Variants in LDLRAD3 observed in about 807,000 individuals in gnomAD.
LDLRAD3 encodes the protein low-density lipoprotein receptor class A domain-containing protein 3.
In LDLRAD3, 20 loss-of-function variants were observed where a neutral mutation model predicts 29.4. That is an observed-to-expected ratio of 0.68 (90% confidence interval 0.48 to 0.99). The LOEUF is 0.99. Among genes scored for constraint, LDLRAD3 ranks in the 50% least tolerant of loss-of-function variants. The pLI is 0.00. For synonymous variants in LDLRAD3, 157 were observed against 192.7 expected (o/e 0.81, Z 1.53); for missense variants, 420 against 454.3 (o/e 0.92, Z 0.69).
chr11:36,034,390 C>G (rs188410605), intron 1 of LDLRAD3, among the ~76,000 whole-genome samples: 79 of 151,920 alleles, frequency 5.2e-4, no homozygotes, highest in Non-Finnish European at 1.0e-3. Context: ...AATGGAGAGT[C>G]GGGGACTGGC....
At position 36,229,505 on chromosome 11, in the gene LDLRAD3, G is replaced by C. The variant is rs1855547380; in HGVS notation, c.*108G>C. ...TTAAGCACCTGTAAGGGTGTCTCAA[G>C]TTACAGTTTGGGATATTAACTATCT... On this transcript the variant is annotated 3_prime_UTR_variant, in exon 6 of 6. Coordinates refer to ENST00000315571, the MANE Select transcript of LDLRAD3 (RefSeq NM_174902.4). 1.3e-6 allele frequency: 1 copy of C among 753,872 alleles called. No homozygotes were observed. The highest frequency in any genetic ancestry group is 1.7e-5 in the South Asian group (1 of 58,772). 46.7% of individuals were successfully genotyped at this position (753,872 alleles called of 1,614,324 possible). A position where few individuals can be genotyped will look rare whatever the true frequency, so the allele number is the denominator to read the frequency against.
intron 4 of LDLRAD3, among the ~76,000 whole-genome samples, chr11:36,146,385 C>A (rs561065610): frequency 6.6e-6 from 1 of 152,320 alleles, no homozygotes; most frequent in Admixed American, 6.5e-5. Context: ...GAGTAATATA[C>A]ACCCATTGTC....
chr11:36,214,438 G>A (rs1437527008), intron 4 of LDLRAD3, among the ~76,000 whole-genome samples: 1 of 152,166 alleles, frequency 6.6e-6, no homozygotes, highest in African/African-American at 2.4e-5. Context: ...CTGGGAAAGG[G>A]TTACATTGAT....
At chr11:36,123,084 G>A (rs1853783530) in intron 4 of LDLRAD3, among the ~76,000 whole-genome samples, 3 of 152,052 alleles carry the variant, frequency 2.0e-5, no homozygotes, top group Non-Finnish European at 2.9e-5. Flanking sequence ...CTGCTTGGGA[G>A]GTTGAGGTGG....
chr11:36,226,766 A>G (rs1855504723), intron 4 of LDLRAD3, among the ~76,000 whole-genome samples: 1 of 152,184 alleles, frequency 6.6e-6, no homozygotes, highest in African/African-American at 2.4e-5. Flanking sequence ...GAAATTTTGT[A>G]TATACAGAAT....
chr11:35,990,425 C>CTT (rs377449415), intron 1 of LDLRAD3, among the ~76,000 whole-genome samples: 2 of 149,092 alleles, frequency 1.3e-5, no homozygotes, highest in South Asian at 4.3e-4. Flanking sequence ...CTGCCTCCAT[C>CTT]TTTTTTTTTT....
chr11:36,098,391 G>C lies in LDLRAD3; in HGVS notation c.384G>C (p.Lys128Asn), dbSNP rs779093434. 1 of 1,614,254 alleles carries C rather than the reference G, an allele frequency of 6.2e-7. No individual in the cohort carries two copies. The highest frequency in any genetic ancestry group is 8.5e-7 in the Non-Finnish European group (1 of 1,180,044). ...YHCKNGLCID[K>N]SFICDGQNNC... ...GCAAGAACGGCCTCTGTATTGACAA[G>C]AGCTTCATCTGCGATGGACAGAATA... Residue 128 changes from lysine to asparagine, a missense_variant, in exon 4 of 6, where the codon AAG (lysine) becomes AAC (asparagine). Coordinates refer to ENST00000315571, the MANE Select transcript of LDLRAD3 (RefSeq NM_174902.4).
At chr11:36,111,202 G>T (rs1016548791) in intron 4 of LDLRAD3, among the ~76,000 whole-genome samples, 1 of 152,158 alleles carries the variant, frequency 6.6e-6, no homozygotes, top group Non-Finnish European at 1.5e-5. Flanking sequence ...ACTGCATGCC[G>T]TGAGAATTCT....
intron 1 of LDLRAD3, among the ~76,000 whole-genome samples, chr11:35,979,761 G>A (rs750854204): frequency 9.2e-5 from 14 of 152,192 alleles, no homozygotes; most frequent in Non-Finnish European, 1.6e-4. Context: ...TTGTTGCTCC[G>A]TGTTGAGAGA....
intron 2 of LDLRAD3, among the ~76,000 whole-genome samples, chr11:36,040,474 A>G (rs1416366450): frequency 6.6e-6 from 1 of 152,106 alleles, no homozygotes; most frequent in Non-Finnish European, 1.5e-5. Context: ...ACATTTTCTC[A>G]TGTAACATTT....
At chr11:35,952,840 A>G (rs1267189453) in intron 1 of LDLRAD3, among the ~76,000 whole-genome samples, 3 of 152,214 alleles carry the variant, frequency 2.0e-5, no homozygotes, top group Non-Finnish European at 4.4e-5. Flanking sequence ...TTAAGCTTAT[A>G]TGGTCCATGT....
intron 2 of LDLRAD3, 51 bp from the exon 3 acceptor site, chr11:36,081,602 G>A: frequency 6.2e-6 from 10 of 1,612,312 alleles, no homozygotes; most frequent in Non-Finnish European, 8.5e-6. Context: ...TGAGTATGCA[G>A]TCATCTGAGA....
At chr11:36,141,029 T>TCTCTCG (rs1332611112) in intron 4 of LDLRAD3, among the ~76,000 whole-genome samples, 4 of 149,604 alleles carry the variant, frequency 2.7e-5, no homozygotes, top group Non-Finnish European at 5.9e-5. Context: ...TCTCTCTCTC[T>TCTCTCG]CTCTCTCCGT....
Position 36,131,062 on chromosome 11 carries a change from G to T in LDLRAD3, c.454+32601G>T, listed in dbSNP as rs201022211. On this transcript the variant is annotated intron_variant, in intron 4 of 5. Coordinates refer to ENST00000315571, the MANE Select transcript of LDLRAD3 (RefSeq NM_174902.4). ...GAATCCAACCTGAGCTGTGCAGTTG[G>T]CTCAAAGGGTGGCCAACCAGAGGAG... is the stretch of plus-strand genomic sequence containing the variant. Among the ~76,000 whole-genome samples the T allele has an allele frequency of 2.0e-5, 3 of 152,212 alleles. No individual in the cohort carries two copies. In the East Asian group the frequency reaches 5.8e-4, roughly 29 times the overall value.
At chr11:36,205,714 C>T (rs1260604684) in intron 4 of LDLRAD3, among the ~76,000 whole-genome samples, 3 of 152,170 alleles carry the variant, frequency 2.0e-5, no homozygotes, top group African/African-American at 4.8e-5. Flanking sequence ...TTTTTCTCCT[C>T]GGAAGCCAAT....
chr11:35,986,464 G>A (rs1851616112), intron 1 of LDLRAD3, among the ~76,000 whole-genome samples: 5 of 152,214 alleles, frequency 3.3e-5, no homozygotes, highest in Middle Eastern at 3.2e-3. Flanking sequence ...AAGGACATGT[G>A]TTAGATAATG....
chr11:36,146,655 C>T lies in LDLRAD3; in HGVS notation c.454+48194C>T, dbSNP rs192898245. On this transcript the variant is annotated intron_variant, in intron 4 of 5. Transcript: ENST00000315571. The stretch of plus-strand genomic sequence containing the variant: ...TCTCCTAGGTTCTGGCAGCTTCCAG[C>T]AATCCTTGGCATTTCTTGGCTTGTA... 5.6e-4 allele frequency among the ~76,000 whole-genome samples: 85 copies of T among 152,092 alleles called. 1 individual carries two copies. Among genetic ancestry groups the T allele is most frequent in the Admixed American group, 2.5e-3 (38 of 15,270 alleles).
intron 1 of LDLRAD3, among the ~76,000 whole-genome samples, chr11:35,966,380 G>A (rs902326255): frequency 2.0e-5 from 3 of 152,166 alleles, no homozygotes; most frequent in African/African-American, 7.2e-5. Context: ...AGCTGAGATC[G>A]CACCACTGCA....
At chr11:35,967,973 A>G (rs183946296) in intron 1 of LDLRAD3, 4 of 409,788 alleles carry the variant, frequency 9.8e-6, no homozygotes, top group East Asian at 1.4e-4. Flanking sequence ...AAGTTTTCAT[A>G]TAGTGCTTTA....
Sources: allele counts gnomAD v4.1 joint callset (sites outside exome capture counted in the v4.1 genomes callset), GRCh38; gene constraint gnomAD v4.1.1; transcripts MANE v1.5; gene names NCBI Gene and HGNC (gene_info 2026-07-23, HGNC 2026-07-21).